Variants in PCDH11X observed in about 807,000 individuals in gnomAD.
The protein encoded by PCDH11X is protocadherin-11 X-linked.
In PCDH11X, 18 loss-of-function variants were observed where a neutral mutation model predicts 53.3. That is an observed-to-expected ratio of 0.34 (90% CI 0.23 to 0.50). The LOEUF is 0.50. Ranked by LOEUF, PCDH11X falls within the 20% of genes least tolerant of loss-of-function variation. The pLI, the probability that PCDH11X is intolerant of heterozygous loss-of-function variation, is 0.98. For missense variants in PCDH11X, 570 were observed against 1,032.4 expected, an observed-to-expected ratio of 0.55 and a Z score of 6.14; for synonymous variants, 279 against 393.3, an observed-to-expected ratio of 0.71 and a Z score of 3.44.
rs771823629 is a variant in PCDH11X, at chrX:92,111,219, T to TAAAAAAAAAAAAAAAAAAAAAAAAA, written c.3034-90148_3034-90124dup. Among the ~76,000 whole-genome samples, 9 of 19,817 alleles carry TAAAAAAAAAAAAAAAAAAAAAAAAA rather than the reference T, an allele frequency of 4.5e-4. 3 individuals are homozygous for TAAAAAAAAAAAAAAAAAAAAAAAAA. The highest frequency in any genetic ancestry group is 0.012 in the East Asian group (2 of 173). The allele number at this position is 19,817 out of a possible 115,157, so 17.2% of individuals were successfully genotyped here. A position where few individuals can be genotyped will look rare whatever the true frequency, so the allele number is the denominator to read the frequency against. The stretch of plus-strand genomic sequence containing the variant: ...GAGCTGGATTTGAATCACCTAACGC[T>TAAAAAAAAAAAAAAAAAAAAAAAAA]AAAAAAAAAAAAAAAAAAAAAAAAA... On this transcript the variant is annotated intron_variant, in intron 6 of 10. Transcript: ENST00000682573.
chrX:92,539,505 T>A (rs758888394), intron 10 of PCDH11X, among the ~76,000 whole-genome samples: 1 of 111,354 alleles, frequency 9.0e-6, no homozygotes, highest in South Asian at 3.8e-4. Flanking sequence ...TTCTCTGTGT[T>A]ATCTTAAATT....
chrX:92,300,304 A>G (rs1231505833), intron 8 of PCDH11X, among the ~76,000 whole-genome samples: 1 of 111,364 alleles, frequency 9.0e-6, no homozygotes, highest in Non-Finnish European at 1.9e-5. Flanking sequence ...AATTAAAAAT[A>G]GATTCATCGC....
chrX:91,920,748 C>T (rs891047946), intron 6 of PCDH11X, among the ~76,000 whole-genome samples: 13 of 110,518 alleles, frequency 1.2e-4, no homozygotes, highest in African/African-American at 4.3e-4. Flanking sequence ...AAAAATCCCT[C>T]TATTTTTTCT....
intron 5 of PCDH11X, among the ~76,000 whole-genome samples, chrX:91,856,575 C>T (rs2147674158): frequency 9.1e-6 from 1 of 110,064 alleles, no homozygotes; most frequent in South Asian, 4.0e-4. Context: ...AGGTATTAAA[C>T]ACAGCATGCA....
intron 9 of PCDH11X, among the ~76,000 whole-genome samples, chrX:92,428,855 G>A (rs34929250): frequency 0.13 from 14,223 of 110,086 alleles, 835 homozygotes; most frequent in African/African-American, 0.21. Flanking sequence ...GGGTGAATAC[G>A]GAGCAGATAA....
At chrX:92,418,085 T>C (rs1314955694) in intron 9 of PCDH11X, among the ~76,000 whole-genome samples, 8 of 107,531 alleles carry the variant, frequency 7.4e-5, no homozygotes, top group Non-Finnish European at 1.5e-4. Flanking sequence ...CCATCAGATT[T>C]CCATCATGCT....
chrX:92,221,298 C>T lies in PCDH11X; in HGVS notation c.3114+19843C>T, dbSNP rs1198429468. 2.1e-3 allele frequency among the ~76,000 whole-genome samples: 217 copies of T among 103,371 alleles called. 4 individuals are homozygous for T. Among genetic ancestry groups the T allele is most frequent in the African/African-American group, 7.3e-3 (206 of 28,374 alleles). The allele number at this position is 103,371 out of a possible 115,157, so 89.8% of individuals were successfully genotyped here. On this transcript the variant is annotated intron_variant, in intron 7 of 10. Coordinates refer to ENST00000682573, the MANE Select transcript of PCDH11X (RefSeq NM_032968.5). ...TATACAACACACACACACACACACACACACACACACACACACACACACACA... is the reference window on the plus strand; with the variant it reads ...TATACAACACACACACACACACACATACACACACACACACACACACACACA...
At chrX:92,243,625 A>T (rs898633050) in intron 7 of PCDH11X, among the ~76,000 whole-genome samples, 2 of 111,165 alleles carry the variant, frequency 1.8e-5, no homozygotes, top group Non-Finnish European at 3.8e-5. Context: ...GCTTATTTAT[A>T]CCTCCAAAAT....
intron 6 of PCDH11X, among the ~76,000 whole-genome samples, chrX:91,891,510 C>T (rs2571701): frequency 0.087 from 6,789 of 78,443 alleles, 597 homozygotes; most frequent in African/African-American, 0.14. Context: ...TGTGGTGTAA[C>T]TGATCTTTTT....
chrX:91,845,827 G>C (rs781364107), intron 5 of PCDH11X, among the ~76,000 whole-genome samples: 55 of 110,060 alleles, frequency 5.0e-4, no homozygotes, highest in African/African-American at 1.8e-3. Context: ...CAGAAAACTA[G>C]TTTACGTGTA....
rs766207218 is a variant in PCDH11X, at chrX:92,126,332, C to T, written c.3034-75043C>T. On this transcript the variant is annotated intron_variant, in intron 6 of 10. Transcript: ENST00000682573. ...TGAAAATATAAAAACGTTCTCTCCC[C>T]GGGAGTGGTGGCTCACACCTGTAAT... Among the ~76,000 whole-genome samples, 8 of 108,945 alleles carry T rather than the reference C, an allele frequency of 7.3e-5. No homozygotes were observed. The South Asian group carries it at 2.8e-3, about 38-fold the overall frequency. 94.6% of individuals were successfully genotyped at this position (108,945 alleles called of 115,157 possible).
chrX:92,547,647 G>A (rs1363411778), intron 10 of PCDH11X, among the ~76,000 whole-genome samples: 3 of 110,765 alleles, frequency 2.7e-5, no homozygotes, highest in African/African-American at 9.9e-5. Flanking sequence ...TCCTGTCGAG[G>A]CCTTTAAAAG....
At chrX:92,201,274 C>G (rs1327310665) in intron 6 of PCDH11X, 101 bp from the exon 7 acceptor site, 3 of 1,055,304 alleles carry the variant, frequency 2.8e-6, no homozygotes, top group Non-Finnish European at 3.7e-6. Flanking sequence ...TCTACCCAGG[C>G]ACTATTTTAG....
chrX:92,367,441 C>G (rs1443889973), intron 8 of PCDH11X, among the ~76,000 whole-genome samples: 2 of 111,188 alleles, frequency 1.8e-5, no homozygotes, highest in Admixed American at 9.6e-5. Flanking sequence ...GGTCTTGACT[C>G]TTAATCCAAT....
At chrX:92,261,158 T>A (rs182265531) in intron 7 of PCDH11X, among the ~76,000 whole-genome samples, 2 of 111,176 alleles carry the variant, frequency 1.8e-5, no homozygotes, top group African/African-American at 6.5e-5. Flanking sequence ...TGTACTTTCT[T>A]TTTATTCTAA....
chrX:91,970,948 A>G (rs975071257), intron 6 of PCDH11X, among the ~76,000 whole-genome samples: 3 of 111,474 alleles, frequency 2.7e-5, no homozygotes, highest in Admixed American at 9.6e-5. Flanking sequence ...ATTGAAAGGC[A>G]TTGTCAACCA....
chrX:92,282,414 T>C (rs763530356), intron 8 of PCDH11X, among the ~76,000 whole-genome samples: 1 of 111,503 alleles, frequency 9.0e-6, no homozygotes, highest in Non-Finnish European at 1.9e-5. Context: ...TTTTAAATTA[T>C]AGAATTTAAT....
chrX:92,453,995 CTT>C (rs1235014157), intron 9 of PCDH11X, among the ~76,000 whole-genome samples: 6 of 103,205 alleles, frequency 5.8e-5, no homozygotes, highest in African/African-American at 2.1e-4. Flanking sequence ...GAATCAATCA[CTT>C]ATAGAAAAAT....
intron 10 of PCDH11X, among the ~76,000 whole-genome samples, chrX:92,496,317 GTT>G (rs2073858881): frequency 1.0e-5 from 1 of 99,522 alleles, no homozygotes; most frequent in Middle Eastern, 5.1e-3. Flanking sequence ...GAGGTTTAGT[GTT>G]TTCTAAACAG....
Sources: gnomAD v4.1 joint callset for allele counts (sites outside exome capture counted in the v4.1 genomes callset) on GRCh38, gnomAD v4.1.1 for gene constraint, MANE v1.5 for transcripts, NCBI Gene and HGNC (gene_info 2026-07-23, HGNC 2026-07-21) for gene names.